The following ZGRF1 variants were observed in gnomAD, a reference collection of about 807,000 sequenced individuals.
ZGRF1 encodes the protein zinc finger GRF-type containing 1.
In ZGRF1, 196 loss-of-function variants were observed where a neutral mutation model predicts 203.5. The ratio of observed to expected loss-of-function variants is 0.96; its 90% CI spans 0.86 to 1.08. The LOEUF (loss-of-function observed/expected upper bound fraction) is 1.08. Among genes scored for constraint, ZGRF1 ranks in the 50% least tolerant of loss-of-function variants. The pLI is 0.00. For synonymous variants in ZGRF1, 809 were observed against 841.3 expected (o/e 0.96, Z 0.66); for missense variants, 2,326 against 2,416.3 (o/e 0.96, Z 0.78).
intron 8 of ZGRF1, chr4:112,607,947 GAAA>G (rs1161260438): frequency 7.4e-6 from 1 of 135,018 alleles, no homozygotes; most frequent in Non-Finnish European, 1.6e-5. Context: ...TCTGAAAAAA[GAAA>G]AAAAAAAGAG....
chr4:112,540,092 G>A lies in ZGRF1; in HGVS notation c.5943C>T (p.His1981=). The A allele has an allele frequency of 6.3e-7, 1 of 1,591,424 alleles. No homozygotes were observed. Reference sequence around the variant, plus strand: ...CCTGCACAGTTTTAATATCAGGATGGTGAAAGTCCACAGCACTGAGTAAAT... The same window carrying A: ...CCTGCACAGTTTTAATATCAGGATGATGAAAGTCCACAGCACTGAGTAAAT... The part of the protein sequence containing the change: ...LCHLLSAVDF[H]HPDIKTVQVS... Residue 1981 remains histidine (H), a synonymous_variant, in exon 27 of 28, where the codon CAC becomes CAT. Transcript: ENST00000505019.
chr4:112,551,549 A>G (rs1739959948), intron 22 of ZGRF1, among the ~76,000 whole-genome samples: 1 of 152,216 alleles, frequency 6.6e-6, no homozygotes, highest in Non-Finnish European at 1.5e-5. Context: ...AATAATATTC[A>G]CCACACACAA....
At chr4:112,575,126 C>T (rs1453147814) in intron 16 of ZGRF1, among the ~76,000 whole-genome samples, 2 of 151,618 alleles carry the variant, frequency 1.3e-5, no homozygotes, top group South Asian at 2.1e-4. Context: ...ATTACATAGA[C>T]AATAAAAGAA....
chr4:112,565,874 T>C (rs546201243), intron 16 of ZGRF1, among the ~76,000 whole-genome samples: 1 of 152,254 alleles, frequency 6.6e-6, no homozygotes, highest in Non-Finnish European at 1.5e-5. Flanking sequence ...TGTGGAGAAA[T>C]AGCAACACTT....
intron 22 of ZGRF1, among the ~76,000 whole-genome samples, chr4:112,552,902 A>T (rs937565858): frequency 6.6e-6 from 1 of 152,162 alleles, no homozygotes; most frequent in Non-Finnish European, 1.5e-5. Flanking sequence ...TGTTTCTGTG[A>T]TCTGTCCTGC....
chr4:112,547,263 G>T (rs780761363), intron 24 of ZGRF1, 22 bp downstream of exon 24: 3 of 1,594,692 alleles, frequency 1.9e-6, no homozygotes, highest in Non-Finnish European at 2.6e-6. Context: ...TGATAATTCC[G>T]TAAGAATTCA....
chr4:112,570,001 T>C (rs1010895754), intron 16 of ZGRF1, among the ~76,000 whole-genome samples: 27 of 152,080 alleles, frequency 1.8e-4, no homozygotes, highest in African/African-American at 6.3e-4. Flanking sequence ...AAAACATATA[T>C]GTACCCAATA....
chr4:112,565,007 C>G lies in ZGRF1; in HGVS notation c.4439-1733G>C, dbSNP rs866468998. On this transcript the variant is annotated intron_variant, in intron 16 of 27. Transcript: ENST00000505019. ...TGTACCATGGCTCGTACAAGGCAGACTGCCCACAAATCAACCGGTGGTAAA... is the reference window on the plus strand; with the variant it reads ...TGTACCATGGCTCGTACAAGGCAGAGTGCCCACAAATCAACCGGTGGTAAA... 2.6e-5 allele frequency: 24 copies of G among 930,498 alleles called. 1 individual carries two copies. Among genetic ancestry groups the G allele is most frequent in the Middle Eastern group, 4.2e-4 (2 of 4,774 alleles). The allele number at this position is 930,498 out of a possible 1,614,324, so 57.6% of individuals were successfully genotyped here. A position where few individuals can be genotyped will look rare whatever the true frequency, so the allele number is the denominator to read the frequency against.
At chr4:112,585,920 A>G (rs1343260346) in intron 13 of ZGRF1, among the ~76,000 whole-genome samples, 195 bp from the exon 14 acceptor site, 1 of 150,892 alleles carries the variant, frequency 6.6e-6, no homozygotes, top group Non-Finnish European at 1.5e-5. Context: ...AAAAAAAAAA[A>G]GGAAGAAAAA....
chr4:112,600,920 G>A (rs1004419324), intron 10 of ZGRF1, among the ~76,000 whole-genome samples: 4 of 151,968 alleles, frequency 2.6e-5, no homozygotes, highest in Non-Finnish European at 4.4e-5. Context: ...CTCCATGATC[G>A]CGATGGCCAC....
rs755031628 is a variant in ZGRF1, at chr4:112,560,858, A to T, written c.4835T>A (p.Val1612Glu). ...TLKLASELIQ[V>E]HKLNKDQATA... The stretch of plus-strand genomic sequence containing the variant: ...AGCTTGATCCTTGTTTAACTTGTGT[A>T]CCTGAATCAACTCACTAGCTAACTT... The change falls in exon 19 of 28, where the codon GTA becomes GAA. Residue 1612 changes from valine (V) to glutamate (E), a missense_variant. Coordinates refer to ENST00000505019, the MANE Select transcript of ZGRF1 (RefSeq NM_018392.5). The T allele has an allele frequency of 4.2e-5, 67 of 1,613,668 alleles. No individual in the cohort carries two copies. The highest frequency in any genetic ancestry group is 5.2e-5 in the Non-Finnish European group (61 of 1,179,764).
chr4:112,571,665 G>A (rs930220270), intron 16 of ZGRF1, among the ~76,000 whole-genome samples: 9 of 152,036 alleles, frequency 5.9e-5, no homozygotes, highest in Admixed American at 3.9e-4. Context: ...GATTACAGGC[G>A]TGAGCCACCA....
At chr4:112,613,484 CAA>C (rs1361052417) in intron 6 of ZGRF1, among the ~76,000 whole-genome samples, 1 of 151,754 alleles carries the variant, frequency 6.6e-6, no homozygotes, top group Non-Finnish European at 1.5e-5. Context: ...AAGAGAGACA[CAA>C]AAGACAAACA....
chr4:112,581,939 A>G (rs1746337210), intron 15 of ZGRF1, 137 bp from the exon 16 acceptor site: 3 of 407,900 alleles, frequency 7.4e-6, no homozygotes, highest in South Asian at 5.6e-5. Flanking sequence ...AAATATAAAT[A>G]TACTGTATCA....
In ZGRF1 at chr4:112,626,549, C is replaced by T. The variant is rs557344002; in HGVS notation, c.103-2673G>A. Among the ~76,000 whole-genome samples the T allele has an allele frequency of 4.2e-4, 64 of 152,284 alleles. No individual in the cohort carries two copies. In the South Asian group the frequency reaches 0.013, roughly 31 times the overall value. On this transcript the variant is annotated intron_variant, in intron 3 of 27. Coordinates refer to ENST00000505019, the MANE Select transcript of ZGRF1 (RefSeq NM_018392.5). ...ATTTAATTTAGTGGTCTGTCTCCTCCACGTTATTTCCATGAAGTCAGGGAT... is the reference window on the plus strand; with the variant it reads ...ATTTAATTTAGTGGTCTGTCTCCTCTACGTTATTTCCATGAAGTCAGGGAT...
Position 112,617,802 on chromosome 4 carries a change from T to A in ZGRF1, c.2240A>T (p.His747Leu). ...TTTATCAAGTGCAATACATTCATAG[T>A]GATTCTGATTGGTATTTAATAGTTG... ...SVQLLNTNQNHYECIALDKSN... is the reference protein window; with the variant it reads ...SVQLLNTNQNLYECIALDKSN... The change falls in exon 6 of 28, where the codon CAC becomes CTC. Residue 747 changes from histidine to leucine, a missense_variant. By Grantham distance (99) the His-to-Leu change is moderately conservative (BLOSUM62 -3). Transcript: ENST00000505019. The A allele has an allele frequency of 1.2e-6, 2 of 1,613,944 alleles. No individual in the cohort carries two copies. The highest frequency in any genetic ancestry group is 1.7e-6 in the Non-Finnish European group (2 of 1,179,858).
At chr4:112,555,234 A>C (rs549181540) in intron 20 of ZGRF1, among the ~76,000 whole-genome samples, 1 of 152,314 alleles carries the variant, frequency 6.6e-6, no homozygotes, top group South Asian at 2.1e-4. Context: ...TTCAAGCCCA[A>C]GCAACTCTGT....
chr4:112,559,070 G>A (rs1407394530), intron 19 of ZGRF1, among the ~76,000 whole-genome samples: 1 of 152,244 alleles, frequency 6.6e-6, no homozygotes, highest in African/African-American at 2.4e-5. Context: ...ATAGGCAAGA[G>A]ATGAGGCTGA....
chr4:112,572,818 T>C (rs979623850), intron 16 of ZGRF1, among the ~76,000 whole-genome samples: 2 of 152,116 alleles, frequency 1.3e-5, no homozygotes, highest in African/African-American at 2.4e-5. Flanking sequence ...ACATCCCTAA[T>C]GATCAGGGAA....
Sources: gnomAD v4.1 joint callset for allele counts (sites outside exome capture counted in the v4.1 genomes callset) on GRCh38, gnomAD v4.1.1 for gene constraint, MANE v1.5 for transcripts, NCBI Gene and HGNC (gene_info 2026-07-23, HGNC 2026-07-21) for gene names.